The following ZNHIT6 variants were observed in gnomAD, a reference collection of about 807,000 sequenced individuals.
ZNHIT6 encodes the protein box C/D snoRNA protein 1.
ZNHIT6 carries 45 observed loss-of-function variants against 57.2 expected under a neutral mutation model. The ratio of observed to expected loss-of-function variants is 0.79; its 90% CI spans 0.62 to 1.01. The LOEUF is 1.01. ZNHIT6 is among the 50% of genes least tolerant of loss of function. The probability of loss-of-function intolerance (pLI) is 0.00; values close to 1 mark genes in which losing one functional copy is unlikely to be tolerated. For synonymous variants in ZNHIT6, 188 were observed against 190.0 expected (o/e 0.99, Z 0.09); for missense variants, 528 against 567.3 (o/e 0.93, Z 0.70).
At chr1:85,681,731 A>G (rs1471944320) in intron 5 of ZNHIT6, among the ~76,000 whole-genome samples, 1 of 152,182 alleles carries the variant, frequency 6.6e-6, no homozygotes, top group Non-Finnish European at 1.5e-5. Flanking sequence ...CCAAACATCT[A>G]TATGATTTAG....
At chr1:85,699,152 G>A (rs1419608387) in intron 5 of ZNHIT6, among the ~76,000 whole-genome samples, 1 of 151,932 alleles carries the variant, frequency 6.6e-6, no homozygotes, top group East Asian at 1.9e-4. Flanking sequence ...GAATACTGGG[G>A]GCATGGGAGC....
At chr1:85,697,216 C>T (rs1468057100) in intron 5 of ZNHIT6, among the ~76,000 whole-genome samples, 1 of 151,966 alleles carries the variant, frequency 6.6e-6, no homozygotes, top group Non-Finnish European at 1.5e-5. Flanking sequence ...AGTTGCTAGT[C>T]TTTTTTTCTT....
chr1:85,657,988 A>AAC lies in ZNHIT6; in HGVS notation c.1248-19_1248-18dup, dbSNP rs765363025. The AAC allele has an allele frequency of 1.4e-6, 2 of 1,414,246 alleles. No individual in the cohort carries two copies. The highest frequency in any genetic ancestry group is 2.9e-5 in the African/African-American group (2 of 68,686). 87.6% of individuals were successfully genotyped at this position (1,414,246 alleles called of 1,614,324 possible). Reference sequence around the variant, plus strand: ...TCATAATATCTTATTAATAAAAAAAAACAAAAAACCAGGAAACACTCTTAA... The same window carrying AAC: ...TCATAATATCTTATTAATAAAAAAAAACACAAAAAACCAGGAAACACTCTTAA... On this transcript the variant is annotated splice_polypyrimidine_tract_variant and intron_variant, in intron 8 of 9. Coordinates refer to ENST00000370574, the MANE Select transcript of ZNHIT6 (RefSeq NM_017953.4).
chr1:85,696,875 CAG>C (rs1159298009), intron 5 of ZNHIT6, among the ~76,000 whole-genome samples: 8 of 121,904 alleles, frequency 6.6e-5, no homozygotes, highest in African/African-American at 2.6e-4. Context: ...TTTTTGGAGA[CAG>C]AGTCTGGCTC....
intron 8 of ZNHIT6, among the ~76,000 whole-genome samples, chr1:85,670,125 G>A (rs1557844157): frequency 6.9e-6 from 1 of 145,852 alleles, no homozygotes; most frequent in Non-Finnish European, 1.5e-5. Context: ...ATGATATACA[G>A]ATATCATGTA....
At chr1:85,681,475 T>C (rs1427434558) in intron 5 of ZNHIT6, among the ~76,000 whole-genome samples, 3 of 152,224 alleles carry the variant, frequency 2.0e-5, no homozygotes, top group African/African-American at 7.2e-5. Flanking sequence ...TTAATATATC[T>C]AAATTTAGAG....
At chr1:85,688,041 C>CA (rs756438399) in intron 5 of ZNHIT6, among the ~76,000 whole-genome samples, 702 of 57,840 alleles carry the variant, frequency 0.012, 5 homozygotes, top group Middle Eastern at 0.068. Flanking sequence ...GACTCCGTCT[C>CA]AAAAAAAAAA....
Position 85,707,991 on chromosome 1 carries a change from T to G in ZNHIT6, c.294A>C (p.Glu98Asp), listed in dbSNP as rs1166216779. The stretch of plus-strand genomic sequence containing the variant: ...CCTCAGGCCTATCCTCCACCTCCTG[T>G]TCTACCCACTGGCCAGCCAACCTGC... Reference protein sequence around the residue: ...TEGRLAGQWVEQEVEDRPEVK... With the variant: ...TEGRLAGQWVDQEVEDRPEVK... Residue 98 changes from glutamate to aspartate, a missense_variant, in exon 1 of 10, where the codon GAA (glutamate) becomes GAC (aspartate). Glu to Asp is a conservative substitution (Grantham distance 45). Transcript: ENST00000370574. The G allele has an allele frequency of 1.2e-6, 2 of 1,614,112 alleles. No homozygotes were observed. Among genetic ancestry groups the G allele is most frequent in the Non-Finnish European group, 1.7e-6 (2 of 1,180,016 alleles).
intron 5 of ZNHIT6, among the ~76,000 whole-genome samples, chr1:85,689,216 C>T (rs1046391449): frequency 2.6e-5 from 4 of 152,136 alleles, no homozygotes; most frequent in Admixed American, 2.6e-4. Flanking sequence ...AAATTTTGAA[C>T]TCTTCAAGAA....
chr1:85,677,716 C>A (rs1570306048), intron 7 of ZNHIT6, among the ~76,000 whole-genome samples: 1 of 152,256 alleles, frequency 6.6e-6, no homozygotes, highest in East Asian at 1.9e-4. Context: ...CTGGGCATGA[C>A]CTTTTATCAA....
intron 5 of ZNHIT6, among the ~76,000 whole-genome samples, chr1:85,694,059 A>G (rs1662291791): frequency 6.6e-6 from 1 of 152,360 alleles, no homozygotes; most frequent in African/African-American, 2.4e-5. Context: ...ACAGGGGGAA[A>G]AAAGGACAGG....
At position 85,653,997 on chromosome 1, in the gene ZNHIT6, T is replaced by C; in HGVS notation, c.*61A>G. The C allele has an allele frequency of 7.0e-7, 1 of 1,438,468 alleles. No individual in the cohort carries two copies. The highest frequency in any genetic ancestry group is 9.7e-7 in the Non-Finnish European group (1 of 1,029,390). The allele number at this position is 1,438,468 out of a possible 1,614,324, so 89.1% of individuals were successfully genotyped here. On this transcript the variant is annotated 3_prime_UTR_variant, in exon 10 of 10. Transcript: ENST00000370574. ...AATACCCCAATCAGCCAACAGCCCATCAATGCAGAGTCTGCTGCAGTTGTC... is the reference window on the plus strand; with the variant it reads ...AATACCCCAATCAGCCAACAGCCCACCAATGCAGAGTCTGCTGCAGTTGTC...
chr1:85,686,632 A>G (rs1057444951), intron 5 of ZNHIT6, among the ~76,000 whole-genome samples: 5 of 152,188 alleles, frequency 3.3e-5, no homozygotes, highest in Middle Eastern at 3.2e-3. Flanking sequence ...CATTAAGGAC[A>G]AAGAGACCAA....
rs371192859 is a variant in ZNHIT6, at chr1:85,687,281, C to CAAAAAAAAAAAAAAAAAAAAA, written c.1020-6378_1020-6377insTTTTTTTTTTTTTTTTTTTTT. The stretch of plus-strand genomic sequence containing the variant: ...GGTGACAAGAGTGAGAAGACTATCT[C>CAAAAAAAAAAAAAAAAAAAAA]AAAAAACAAAAAAAAAACAAAAAAA... On this transcript the variant is annotated intron_variant, in intron 5 of 9. Transcript: ENST00000370574. 6.5e-4 allele frequency among the ~76,000 whole-genome samples: 22 copies of CAAAAAAAAAAAAAAAAAAAAA among 33,592 alleles called. 7 individuals are homozygous for CAAAAAAAAAAAAAAAAAAAAA. The highest frequency in any genetic ancestry group is 2.0e-3 in the South Asian group (1 of 502). 22.0% of individuals were successfully genotyped at this position (33,592 alleles called of 152,430 possible). A position where few individuals can be genotyped will look rare whatever the true frequency, so the allele number is the denominator to read the frequency against.
intron 8 of ZNHIT6, among the ~76,000 whole-genome samples, chr1:85,672,795 CAA>C (rs11344429): frequency 1.6e-3 from 217 of 133,754 alleles, no homozygotes; most frequent in East Asian, 2.3e-3. Context: ...GCTTAAATCA[CAA>C]AAAAAAAAAA....
At chr1:85,667,947 C>CAAAAAAA (rs1156795211) in intron 8 of ZNHIT6, among the ~76,000 whole-genome samples, 1 of 9,262 alleles carries the variant, frequency 1.1e-4, no homozygotes, top group Admixed American at 9.5e-4. Context: ...CTCTCTCTTT[C>CAAAAAAA]AAAAAAAAAA....
intron 5 of ZNHIT6, among the ~76,000 whole-genome samples, chr1:85,684,026 G>T (rs1370304692): frequency 6.6e-6 from 1 of 152,106 alleles, no homozygotes; most frequent in African/African-American, 2.4e-5. Flanking sequence ...ATAAAGGTTT[G>T]AACATTTACA....
intron 5 of ZNHIT6, among the ~76,000 whole-genome samples, chr1:85,700,735 T>C (rs1029384536): frequency 6.6e-6 from 1 of 152,214 alleles, no homozygotes; most frequent in Non-Finnish European, 1.5e-5. Context: ...AACTTCAAAT[T>C]ATGTCAATTT....
intron 5 of ZNHIT6, among the ~76,000 whole-genome samples, chr1:85,701,563 T>C (rs1308106824): frequency 6.6e-6 from 1 of 152,214 alleles, no homozygotes; most frequent in African/African-American, 2.4e-5. Flanking sequence ...CAAAGTCCCC[T>C]TCTTCTACAT....
Sources: gnomAD v4.1 joint callset for allele counts (sites outside exome capture counted in the v4.1 genomes callset) on GRCh38, gnomAD v4.1.1 for gene constraint, MANE v1.5 for transcripts, NCBI Gene and HGNC (gene_info 2026-07-23, HGNC 2026-07-21) for gene names.